Variants in SATL1 observed in about 807,000 individuals in gnomAD.
The protein encoded by SATL1 is spermidine/spermine N1-acetyl transferase like 1.
Under a neutral mutation model 51.8 loss-of-function variants are expected in SATL1, and 47 were observed. That is an observed-to-expected ratio of 0.91 (90% CI 0.72 to 1.16). The LOEUF (loss-of-function observed/expected upper bound fraction) is 1.16, where lower values mean the gene tolerates loss of function less well. Among genes scored for constraint, SATL1 ranks in the 50% most tolerant of loss-of-function variants. The probability of loss-of-function intolerance (pLI) is 0.00; values close to 1 mark genes in which losing one functional copy is unlikely to be tolerated. For missense variants in SATL1, 520 were observed against 526.4 expected (o/e 0.99, Z 0.12); for synonymous variants, 176 against 182.4 (o/e 0.97, Z 0.28).
At position 85,228,035 on chromosome X, in the gene SATL1, A is replaced by G. The variant is rs370056982; in HGVS notation, c.-434-3709T>C. ...CTATAGAACAAAATATAGGTCATGA[A>G]CAGATAATTGTTAAAGTTGGGTGAT... On this transcript the variant is annotated intron_variant, in intron 1 of 7. Transcript: ENST00000644105. Among the ~76,000 whole-genome samples, 16 of 110,852 alleles carry G rather than the reference A, an allele frequency of 1.4e-4. No individual in the cohort carries two copies. In the East Asian group the frequency reaches 3.7e-3, roughly 25 times the overall value.
At chrX:85,127,473 A>T (rs1473596330) in intron 2 of SATL1, among the ~76,000 whole-genome samples, 2 of 111,502 alleles carry the variant, frequency 1.8e-5, no homozygotes, top group Non-Finnish European at 3.8e-5. Flanking sequence ...GGATGAAGGC[A>T]TTAACTTCCC....
At chrX:85,126,853 C>A (rs1293269978) in intron 2 of SATL1, among the ~76,000 whole-genome samples, 2 of 105,888 alleles carry the variant, frequency 1.9e-5, no homozygotes, top group African/African-American at 6.9e-5. Context: ...CCCCACCACA[C>A]CCCTCCCACC....
chrX:85,169,488 A>C (rs1926924351), intron 2 of SATL1, among the ~76,000 whole-genome samples: 1 of 112,016 alleles, frequency 8.9e-6, no homozygotes, highest in Non-Finnish European at 1.9e-5. Flanking sequence ...TTTCAAAAGA[A>C]AACATACATG....
chrX:85,123,322 T>A (rs770304869), intron 2 of SATL1, among the ~76,000 whole-genome samples: 14 of 111,198 alleles, frequency 1.3e-4, no homozygotes, highest in Middle Eastern at 4.6e-3. Flanking sequence ...CACCAGTGTC[T>A]GTTATTTTTT....
rs762925508 is a variant in SATL1 at position 85,232,364 on chromosome X, G to C, written c.-434-8038C>G. On this transcript the variant is annotated intron_variant, in intron 1 of 7. Transcript: ENST00000644105. ...GCTGGCTTAATCCAGCACATTCCCA[G>C]CTGGTGTGGCTATGGAGAGAGATTT... Among the ~76,000 whole-genome samples, 14 of 111,277 alleles carry C rather than the reference G, an allele frequency of 1.3e-4. No homozygotes were observed. The South Asian group carries it at 5.0e-3, about 40-fold the overall frequency.
intron 2 of SATL1, among the ~76,000 whole-genome samples, chrX:85,158,933 TC>T (rs1483854217): frequency 3.6e-5 from 4 of 111,806 alleles, no homozygotes; most frequent in African/African-American, 1.3e-4. Context: ...CAGGAAATTA[TC>T]CTTCCTAGAT....
At chrX:85,175,533 A>G (rs73234613) in intron 2 of SATL1, among the ~76,000 whole-genome samples, 1 of 111,109 alleles carries the variant, frequency 9.0e-6, no homozygotes, top group South Asian at 3.8e-4. Context: ...ACATTTGCAA[A>G]TCATATTTTA....
intron 2 of SATL1, among the ~76,000 whole-genome samples, chrX:85,172,616 G>C (rs1171242935): frequency 2.7e-5 from 3 of 110,787 alleles, no homozygotes; most frequent in African/African-American, 9.8e-5. Flanking sequence ...TCTTAACTTA[G>C]GGCTCATATA....
chrX:85,126,714 A>G (rs772141015), intron 2 of SATL1, among the ~76,000 whole-genome samples: 8 of 111,049 alleles, frequency 7.2e-5, no homozygotes, highest in African/African-American at 2.6e-4. Context: ...CATCTTATCA[A>G]AATTTTGTAG....
In SATL1 at chrX:85,103,849, C is replaced by G; in HGVS notation, c.1693+15G>C. ...TTTCTTTTTCTTGCTCTGAAAATACCACAAAACACCTTACCAGCTGCTGTT... is the reference window on the plus strand; with the variant it reads ...TTTCTTTTTCTTGCTCTGAAAATACGACAAAACACCTTACCAGCTGCTGTT... On this transcript the variant is annotated intron_variant, in intron 4 of 7. Coordinates refer to ENST00000644105, the MANE Select transcript of SATL1 (RefSeq NM_001367857.2). 8.6e-7 allele frequency: 1 copy of G among 1,158,011 alleles called. No homozygotes were observed. Among genetic ancestry groups the G allele is most frequent in the South Asian group, 1.8e-5 (1 of 55,434 alleles).
intron 2 of SATL1, among the ~76,000 whole-genome samples, chrX:85,151,960 A>G (rs748749999): frequency 1.9e-3 from 208 of 110,538 alleles, no homozygotes; most frequent in African/African-American, 6.5e-3. Context: ...GCCAAAATTG[A>G]CAAATGGGAT....
chrX:85,224,482 C>T (rs754103266), intron 1 of SATL1, among the ~76,000 whole-genome samples, 156 bp from the exon 2 acceptor site: 1 of 111,487 alleles, frequency 9.0e-6, no homozygotes, highest in Admixed American at 9.6e-5. Context: ...TTCTATTCAG[C>T]TTCTTTCATT....
chrX:85,140,063 T>C (rs993326), intron 2 of SATL1, among the ~76,000 whole-genome samples: 12,781 of 111,060 alleles, frequency 0.12, 726 homozygotes, highest in South Asian at 0.25. Context: ...TCCAAACTAT[T>C]AGATTGGTAT....
At chrX:85,184,952 T>C (rs752793863) in intron 2 of SATL1, among the ~76,000 whole-genome samples, 2 of 111,987 alleles carry the variant, frequency 1.8e-5, no homozygotes, top group Non-Finnish European at 3.8e-5. Flanking sequence ...TCTGGGCTTG[T>C]TTGTACCCAT....
At chrX:85,152,736 A>G (rs1410981962) in intron 2 of SATL1, among the ~76,000 whole-genome samples, 1 of 110,742 alleles carries the variant, frequency 9.0e-6, no homozygotes, top group Admixed American at 9.7e-5. Context: ...CAAACACCGC[A>G]TGTTCTCACT....
At chrX:85,172,468 A>G (rs1926992671) in intron 2 of SATL1, among the ~76,000 whole-genome samples, 1 of 110,791 alleles carries the variant, frequency 9.0e-6, no homozygotes, top group Non-Finnish European at 1.9e-5. Flanking sequence ...GAAGGAAGAC[A>G]ATGTGGTGCT....
chrX:85,239,257 T>A (rs1343445589), intron 1 of SATL1, among the ~76,000 whole-genome samples: 1 of 111,795 alleles, frequency 8.9e-6, no homozygotes, highest in Non-Finnish European at 1.9e-5. Flanking sequence ...ACTGCAATTT[T>A]AAAAATGCCA....
At chrX:85,142,526 T>C (rs1185260242) in intron 2 of SATL1, 1 of 111,101 alleles carries the variant, frequency 9.0e-6, no homozygotes, top group Non-Finnish European at 1.9e-5. Context: ...GAAGCTCTCA[T>C]GAAACTGCAA....
chrX:85,188,850 G>C (rs987453555), intron 2 of SATL1, among the ~76,000 whole-genome samples: 6 of 111,749 alleles, frequency 5.4e-5, no homozygotes, highest in African/African-American at 1.9e-4. Flanking sequence ...TTGATAAAGA[G>C]CAATAGTATC....
Sources: gnomAD v4.1 joint callset for allele counts (sites outside exome capture counted in the v4.1 genomes callset) on GRCh38, gnomAD v4.1.1 for gene constraint, MANE v1.5 for transcripts, NCBI Gene and HGNC (gene_info 2026-07-23, HGNC 2026-07-21) for gene names.